ARMC8: variants seen among roughly 807,000 people sequenced by gnomAD.
ARMC8 encodes the protein armadillo repeat containing 8.
Under a neutral mutation model 99.3 loss-of-function variants are expected in ARMC8, and 20 were observed. The observed-to-expected ratio is 0.20, with a 90% CI of 0.14 to 0.29. The LOEUF (loss-of-function observed/expected upper bound fraction) is 0.29. Among genes scored for constraint, ARMC8 ranks in the 10% least tolerant of loss-of-function variants. The pLI is 1.00. For missense variants in ARMC8, 569 were observed against 809.5 expected, an observed-to-expected ratio of 0.70 and a Z score of 3.60; for synonymous variants, 263 against 278.3, an observed-to-expected ratio of 0.95 and a Z score of 0.55.
intron 14 of ARMC8, 125 bp from the exon 15 acceptor site, chr3:138,267,030 C>T: frequency 1.8e-6 from 1 of 566,112 alleles, no homozygotes; most frequent in Non-Finnish European, 3.0e-6. Context: ...TTCTTCCTAT[C>T]TCTCCAATAC....
At chr3:138,263,006 A>G (rs1414049794) in intron 12 of ARMC8, among the ~76,000 whole-genome samples, 4 of 152,094 alleles carry the variant, frequency 2.6e-5, no homozygotes, top group Non-Finnish European at 5.9e-5. Flanking sequence ...TGCTTGGCAC[A>G]TGGAAGAACT....
intron 19 of ARMC8, chr3:138,287,762 T>C (rs1184205979): frequency 8.9e-6 from 4 of 450,672 alleles, no homozygotes; most frequent in Non-Finnish European, 1.8e-5. Flanking sequence ...TAGTCCTACA[T>C]GAGAAGATAA....
intron 18 of ARMC8, among the ~76,000 whole-genome samples, chr3:138,283,059 T>C (rs1328700262): frequency 6.6e-6 from 1 of 152,212 alleles, no homozygotes; most frequent in Admixed American, 6.5e-5. Flanking sequence ...CTAACTGCCC[T>C]GGAATAAATA....
At chr3:138,245,886 A>G in intron 12 of ARMC8, 1 of 985,496 alleles carries the variant, frequency 1.0e-6, no homozygotes, top group Non-Finnish European at 1.2e-6. Flanking sequence ...TTACCACTCA[A>G]AAACATGTAT....
chr3:138,251,208 A>AT lies in ARMC8; in HGVS notation c.1134+6030dup, dbSNP rs542697643. On this transcript the variant is annotated intron_variant, in intron 12 of 21. Coordinates refer to ENST00000469044, the MANE Select transcript of ARMC8 (RefSeq NM_001363941.2). The stretch of plus-strand genomic sequence containing the variant: ...TGCTGAGCATGCATTCACTTTGAAC[A>AT]TTTTTATTTATTACTAGTTGATCTT... Among the ~76,000 whole-genome samples the AT allele has an allele frequency of 2.1e-3, 316 of 152,138 alleles. 2 individuals carry two copies. The highest frequency in any genetic ancestry group is 0.014 in the Middle Eastern group (4 of 292).
At chr3:138,264,877 G>T (rs2048122715) in intron 14 of ARMC8, among the ~76,000 whole-genome samples, 1 of 150,426 alleles carries the variant, frequency 6.6e-6, no homozygotes. Context: ...GTTGTTCTTA[G>T]TCTCGGCAAT....
Position 138,225,109 on chromosome 3 carries a change from C to CTT in ARMC8, c.435+1394_435+1395dup, listed in dbSNP as rs34843565. On this transcript the variant is annotated intron_variant, in intron 5 of 21. Transcript: ENST00000469044. ...CTCAGCCCAAATTCATTTCTTCTGG[C>CTT]TTTTTTTTTTTTTTTTTTTGGAGAC... Among the ~76,000 whole-genome samples, 1,061 of 113,480 alleles carry CTT rather than the reference C, an allele frequency of 9.3e-3. 10 individuals carry two copies. Among genetic ancestry groups the CTT allele is most frequent in the East Asian group, 0.018 (64 of 3,552 alleles). The allele number at this position is 113,480 out of a possible 152,430, so 74.4% of individuals were successfully genotyped here.
chr3:138,279,372 A>G (rs976011167), intron 18 of ARMC8, among the ~76,000 whole-genome samples: 2 of 152,182 alleles, frequency 1.3e-5, no homozygotes, highest in African/African-American at 4.8e-5. Context: ...TTCAAATGTT[A>G]AACTAACATA....
chr3:138,236,669 A>G (rs962656209), intron 7 of ARMC8, among the ~76,000 whole-genome samples: 30 of 152,126 alleles, frequency 2.0e-4, no homozygotes, highest in African/African-American at 7.0e-4. Context: ...CAGGTTCCAC[A>G]TTAAAACATC....
intron 1 of ARMC8, among the ~76,000 whole-genome samples, chr3:138,195,017 G>T (rs959481227): frequency 3.3e-5 from 5 of 152,138 alleles, no homozygotes; most frequent in African/African-American, 9.7e-5. Context: ...GCTCACACCT[G>T]TAATCCTAGC....
chr3:138,234,029 A>G (rs2046199180), intron 6 of ARMC8, among the ~76,000 whole-genome samples: 1 of 151,956 alleles, frequency 6.6e-6, no homozygotes, highest in Non-Finnish European at 1.5e-5. Flanking sequence ...AGAAAACAGA[A>G]TTGATGAAAA....
chr3:138,192,492 T>G (rs2043451854), intron 1 of ARMC8, among the ~76,000 whole-genome samples: 1 of 152,070 alleles, frequency 6.6e-6, no homozygotes, highest in African/African-American at 2.4e-5. Context: ...TTAGCCAGGA[T>G]AGTCTCAATC....
At position 138,216,534 on chromosome 3, in the gene ARMC8, G is replaced by A. The variant is rs1158514392; in HGVS notation, c.123-5392G>A. ...GATAACAGAAAGGTTATCATACTTG[G>A]ATGTCTGGATATTACATTCTCCAAA... On this transcript the variant is annotated intron_variant, in intron 2 of 21. Coordinates refer to ENST00000469044, the MANE Select transcript of ARMC8 (RefSeq NM_001363941.2). 3.3e-5 allele frequency among the ~76,000 whole-genome samples: 5 copies of A among 152,100 alleles called. No individual in the cohort carries two copies. In the East Asian group the frequency reaches 9.6e-4, roughly 29 times the overall value.
chr3:138,204,299 G>C (rs1243906561), intron 1 of ARMC8, among the ~76,000 whole-genome samples: 1 of 152,064 alleles, frequency 6.6e-6, no homozygotes, highest in East Asian at 1.9e-4. Context: ...TGCTCTACTT[G>C]ACTAGTAAAT....
At position 138,223,680 on chromosome 3, in the gene ARMC8, T is replaced by C; in HGVS notation, c.382T>C (p.Cys128Arg). The change falls in exon 5 of 22, where the codon TGC (cysteine) becomes CGC (arginine). Residue 128 changes from cysteine to arginine, a missense_variant. Physicochemically the swap from Cys to Arg is radical, Grantham distance 180 (BLOSUM62 -3). Around this residue, in one of 2 missense-constraint regions of ARMC8, gnomAD observed 342 missense variants for 391.6 expected, o/e 0.87. Coordinates refer to ENST00000469044, the MANE Select transcript of ARMC8 (RefSeq NM_001363941.2). ...GAAGTTTATTGAAGCTTGCCTCCGA[T>C]GCCTGCGTACCATCTTCACCAGTCC... ...DLKFIEACLR[C>R]LRTIFTSPVT... 1 of 1,614,242 alleles carries C rather than the reference T, an allele frequency of 6.2e-7. No individual in the cohort carries two copies. The highest frequency in any genetic ancestry group is 8.5e-7 in the Non-Finnish European group (1 of 1,180,038).
chr3:138,237,171 GTTA>G, intron 7 of ARMC8, 135 bp from the exon 8 acceptor site: 2 of 710,792 alleles, frequency 2.8e-6, no homozygotes, highest in South Asian at 3.3e-5. Flanking sequence ...CTGTACAGGT[GTTA>G]TTGTTATTTC....
At chr3:138,217,002 A>G (rs1370209192) in intron 2 of ARMC8, among the ~76,000 whole-genome samples, 1 of 152,196 alleles carries the variant, frequency 6.6e-6, no homozygotes, top group Admixed American at 6.5e-5. Flanking sequence ...ATTACCTACC[A>G]TTGTGTTACA....
rs369744825 is a variant in ARMC8 at position 138,273,017 on chromosome 3, C to T, written c.1530C>T (p.Ser510=). 1.7e-5 allele frequency: 28 copies of T among 1,610,974 alleles called. No individual in the cohort carries two copies. In the East Asian group the frequency reaches 3.1e-4, roughly 18 times the overall value. ...EQKIKADILR[S]LSTEQLFRLL... is the part of the protein sequence containing the mutation. Reference sequence around the variant, plus strand: ...AAATAAAAGCAGATATTTTACGAAGCTTGAGTACTGAACAGCTATTCCGGT... The same window carrying T: ...AAATAAAAGCAGATATTTTACGAAGTTTGAGTACTGAACAGCTATTCCGGT... Residue 510 remains serine (S), a synonymous_variant, in exon 17 of 22, where the codon AGC becomes AGT. Transcript: ENST00000469044.
At chr3:138,197,719 T>C (rs2043818302) in intron 1 of ARMC8, among the ~76,000 whole-genome samples, 1 of 152,218 alleles carries the variant, frequency 6.6e-6, no homozygotes, top group Non-Finnish European at 1.5e-5. Flanking sequence ...CCTTGGACTT[T>C]CAGATTATGC....
Sources: gnomAD v4.1 joint callset for allele counts (sites outside exome capture counted in the v4.1 genomes callset) on GRCh38, gnomAD v4.1.1 for gene constraint, gnomAD v4.1.1 regional missense constraint, MANE v1.5 for transcripts, NCBI Gene and HGNC (gene_info 2026-07-23, HGNC 2026-07-21) for gene names.